Variants in MSRA observed in about 807,000 individuals in gnomAD.
MSRA encodes the protein methionine sulfoxide reductase A, also known as mitochondrial peptide methionine sulfoxide reductase.
Under a neutral mutation model 31.3 loss-of-function variants are expected in MSRA, and 54 were observed. The observed-to-expected ratio is 1.73, with a 90% CI of 1.39 to 2.17. The LOEUF (loss-of-function observed/expected upper bound fraction) is 2.17, where lower values mean the gene tolerates loss of function less well. MSRA is among the 30% of genes most tolerant of loss of function. The pLI is 0.00. For synonymous variants in MSRA, 169 were observed against 116.5 expected (o/e 1.45, Z -2.90); for missense variants, 507 against 300.9 (o/e 1.69, Z -5.07).
intron 5 of MSRA, among the ~76,000 whole-genome samples, chr8:10,402,166 C>T (rs931964955): frequency 6.6e-6 from 1 of 152,184 alleles, no homozygotes. Flanking sequence ...GCTGAGGGTT[C>T]CTGTCCACTC....
At chr8:10,213,432 C>CTTTTTTTTT (rs1198665886) in intron 2 of MSRA, among the ~76,000 whole-genome samples, 3 of 76,738 alleles carry the variant, frequency 3.9e-5, no homozygotes, top group Non-Finnish European at 4.7e-5. Flanking sequence ...ACCACACTTT[C>CTTTTTTTTT]TTTTTTTTTT....
chr8:10,406,457 G>A (rs1184085710), intron 5 of MSRA, among the ~76,000 whole-genome samples: 1 of 152,202 alleles, frequency 6.6e-6, no homozygotes, highest in Non-Finnish European at 1.5e-5. Flanking sequence ...GCAGGAAAGT[G>A]GGGCATCCTT....
rs1255873732 is a variant in MSRA at position 10,337,766 on chromosome 8, C to G, written c.543+17777C>G. On this transcript the variant is annotated intron_variant, in intron 5 of 5. Coordinates refer to ENST00000317173, the MANE Select transcript of MSRA (RefSeq NM_012331.5). ...GGGGCTCACTGCAGCCTCCTCTGCT[C>G]AACTCGCCTGGGTGCAGCCATCTTC... 6 of 702,564 alleles carry G rather than the reference C, an allele frequency of 8.5e-6. No homozygotes were observed. The Admixed American group carries it at 1.2e-4, about 14-fold the overall frequency. 43.5% of individuals were successfully genotyped at this position (702,564 alleles called of 1,614,324 possible).
intron 5 of MSRA, among the ~76,000 whole-genome samples, chr8:10,351,012 C>T (rs1804098784): frequency 1.3e-5 from 2 of 152,238 alleles, no homozygotes; most frequent in Admixed American, 1.3e-4. Flanking sequence ...GAATTCTCTG[C>T]AGCTGCTCCC....
intron 5 of MSRA, among the ~76,000 whole-genome samples, chr8:10,406,456 T>TG (rs1807823903): frequency 6.6e-6 from 1 of 152,054 alleles, no homozygotes; most frequent in South Asian, 2.1e-4. Flanking sequence ...TGCAGGAAAG[T>TG]GGGGCATCCT....
intron 5 of MSRA, among the ~76,000 whole-genome samples, chr8:10,418,438 T>G (rs1385379140): frequency 6.6e-6 from 1 of 152,136 alleles, no homozygotes; most frequent in African/African-American, 2.4e-5. Flanking sequence ...GCCTGGCGAC[T>G]GCTGGGGGAT....
At chr8:10,376,061 T>C (rs932347123) in intron 5 of MSRA, among the ~76,000 whole-genome samples, 1 of 152,194 alleles carries the variant, frequency 6.6e-6, no homozygotes, top group Non-Finnish European at 1.5e-5. Flanking sequence ...TGCGTCTTCG[T>C]GCAGCTTGAT....
intron 3 of MSRA, among the ~76,000 whole-genome samples, chr8:10,279,042 G>T (rs529163137): frequency 6.6e-6 from 1 of 152,256 alleles, no homozygotes; most frequent in South Asian, 2.1e-4. Flanking sequence ...AGGTCATTTA[G>T]GTCATTGATT....
chr8:10,136,707 G>T (rs1022636329), intron 1 of MSRA, among the ~76,000 whole-genome samples: 1 of 152,228 alleles, frequency 6.6e-6, no homozygotes, highest in African/African-American at 2.4e-5. Context: ...CAGCTGCCCT[G>T]AGGCAAGGCA....
chr8:10,250,562 C>T, intron 3 of MSRA: 1 of 685,234 alleles, frequency 1.5e-6, no homozygotes, highest in Non-Finnish European at 2.7e-6. Flanking sequence ...CACGGGAAAT[C>T]TGAGGCCCAG....
At chr8:10,352,290 A>G (rs939470960) in intron 5 of MSRA, among the ~76,000 whole-genome samples, 3 of 152,204 alleles carry the variant, frequency 2.0e-5, no homozygotes, top group South Asian at 4.1e-4. Context: ...CATTACAATA[A>G]TATAGAAAAG....
intron 5 of MSRA, among the ~76,000 whole-genome samples, chr8:10,385,328 A>G (rs1585644898): frequency 6.6e-6 from 1 of 152,238 alleles, no homozygotes; most frequent in African/African-American, 2.4e-5. Flanking sequence ...TCTTACTAAA[A>G]TTGGACAACG....
intron 1 of MSRA, among the ~76,000 whole-genome samples, chr8:10,072,293 C>T: frequency 8.8e-6 from 1 of 113,578 alleles, no homozygotes; most frequent in East Asian, 2.7e-4. Flanking sequence ...ACACAAGACT[C>T]CCTTTCGCAA....
At chr8:10,141,263 C>G (rs964338522) in intron 1 of MSRA, among the ~76,000 whole-genome samples, 2 of 152,218 alleles carry the variant, frequency 1.3e-5, no homozygotes, top group South Asian at 2.1e-4. Flanking sequence ...TTATAATCCT[C>G]ACATCACCGT....
intron 2 of MSRA, among the ~76,000 whole-genome samples, chr8:10,221,300 C>T (rs117011678): frequency 0.022 from 3,367 of 152,008 alleles, 87 homozygotes; most frequent in East Asian, 0.15. Flanking sequence ...AGTTTTTGTC[C>T]CCATTTTTTC....
At chr8:10,418,043 C>G (rs1051803961) in intron 5 of MSRA, among the ~76,000 whole-genome samples, 9 of 152,236 alleles carry the variant, frequency 5.9e-5, no homozygotes, top group South Asian at 2.1e-4. Flanking sequence ...AAGCCCGACC[C>G]TAATTTCCGA....
chr8:10,385,477 G>A (rs937116040), intron 5 of MSRA, among the ~76,000 whole-genome samples: 8 of 152,198 alleles, frequency 5.3e-5, no homozygotes, highest in Non-Finnish European at 2.9e-5. Flanking sequence ...TGGCACATGT[G>A]GGGCAGAGGG....
intron 1 of MSRA, among the ~76,000 whole-genome samples, chr8:10,141,574 G>A (rs566229645): frequency 1.5e-4 from 23 of 152,278 alleles, no homozygotes; most frequent in African/African-American, 5.3e-4. Context: ...AAGCATGCAT[G>A]GAGTCACATC....
intron 1 of MSRA, among the ~76,000 whole-genome samples, chr8:10,136,501 G>C (rs939250303): frequency 6.6e-6 from 1 of 152,178 alleles, no homozygotes; most frequent in Non-Finnish European, 1.5e-5. Context: ...ATAACCAGTA[G>C]CCGTATGGAA....
Sources: allele counts gnomAD v4.1 joint callset (sites outside exome capture counted in the v4.1 genomes callset), GRCh38; gene constraint gnomAD v4.1.1; transcripts MANE v1.5; gene names NCBI Gene and HGNC (gene_info 2026-07-23, HGNC 2026-07-21).